The following NUP210L variants were observed in gnomAD, a reference collection of about 807,000 sequenced individuals.
NUP210L encodes the protein nuclear pore membrane glycoprotein 210-like.
Under a neutral mutation model 208.5 loss-of-function variants are expected in NUP210L, and 74 were observed. The observed-to-expected ratio is 0.35, with a 90% CI of 0.29 to 0.43. The LOEUF (loss-of-function observed/expected upper bound fraction) is 0.43. NUP210L is among the 20% of genes least tolerant of loss of function. The pLI, the probability that NUP210L is intolerant of heterozygous loss-of-function variation, is 1.00. For synonymous variants in NUP210L, 780 were observed against 816.9 expected, an observed-to-expected ratio of 0.95 and a Z score of 0.77; for missense variants, 1,843 against 2,289.4, an observed-to-expected ratio of 0.81 and a Z score of 3.98.
chr1:154,106,838 G>A (rs1003408415), intron 12 of NUP210L, among the ~76,000 whole-genome samples: 1 of 152,254 alleles, frequency 6.6e-6, no homozygotes, highest in Non-Finnish European at 1.5e-5. Context: ...ATGTACTGCA[G>A]TGACCAAAGA....
intron 37 of NUP210L, 41 bp downstream of exon 37, chr1:154,000,814 CT>C (rs1396541324): frequency 1.9e-6 from 3 of 1,554,426 alleles, no homozygotes; most frequent in Non-Finnish European, 2.7e-6. Context: ...ATTCTTTCTT[CT>C]TTTCCTCTCT....
At chr1:154,122,414 T>C (rs1445958501) in intron 10 of NUP210L, among the ~76,000 whole-genome samples, 1 of 152,136 alleles carries the variant, frequency 6.6e-6, no homozygotes, top group Non-Finnish European at 1.5e-5. Context: ...CCCAGCACTT[T>C]GGGAGGCCGA....
At chr1:154,147,652 CTGTT>C (rs920552317) in intron 2 of NUP210L, among the ~76,000 whole-genome samples, 16 of 151,510 alleles carry the variant, frequency 1.1e-4, no homozygotes, top group East Asian at 2.0e-4. Context: ...TGGCCCAACA[CTGTT>C]TGTTTGTTTG....
At chr1:153,992,779 C>G (rs772036296) in exon 40 of NUP210L, 1 of 1,183,958 alleles carries the variant, frequency 8.4e-7, no homozygotes, top group Non-Finnish European at 1.2e-6. Flanking sequence ...GGCTTCTTGT[C>G]GAGGACTAGA....
At chr1:154,125,683 A>C (rs1482088828) in intron 10 of NUP210L, among the ~76,000 whole-genome samples, 1 of 8,414 alleles carries the variant, frequency 1.2e-4, no homozygotes, top group Admixed American at 9.8e-4. Flanking sequence ...GGAAGGAAGG[A>C]AGGAAGGAAG....
intron 2 of NUP210L, among the ~76,000 whole-genome samples, chr1:154,147,614 G>A (rs372804626): frequency 6.6e-6 from 1 of 151,792 alleles, no homozygotes; most frequent in South Asian, 2.1e-4. Context: ...AGAGTGCTGG[G>A]ATTACAGGCC....
intron 16 of NUP210L, among the ~76,000 whole-genome samples, chr1:154,076,260 C>T (rs561491917): frequency 1.3e-4 from 20 of 151,820 alleles, no homozygotes; most frequent in African/African-American, 2.4e-4. Context: ...TGTGCCACCA[C>T]GCCCGGCTAA....
chr1:154,056,931 C>A, exon 23 of NUP210L: 1 of 1,608,506 alleles, frequency 6.2e-7, no homozygotes. Context: ...GAGTATTCGT[C>A]CTGTTGCTCC....
At chr1:154,118,589 T>C (rs1657451065) in intron 11 of NUP210L, 82 bp downstream of exon 11, 3 of 1,025,732 alleles carry the variant, frequency 2.9e-6, no homozygotes, top group East Asian at 5.5e-5. Context: ...AGGAAATAAA[T>C]GTAACATTAA....
exon 40 of NUP210L, chr1:153,992,781 A>G: frequency 8.4e-7 from 1 of 1,190,588 alleles, no homozygotes. Context: ...CTTCTTGTCG[A>G]GGACTAGAAA....
Position 154,127,302 on chromosome 1 carries a change from C to G in NUP210L, c.1185+9G>C. 2 of 1,397,460 alleles carry G rather than the reference C, an allele frequency of 1.4e-6. No individual in the cohort carries two copies. The highest frequency in any genetic ancestry group is 1.8e-4 in the Middle Eastern group (1 of 5,640). The allele number at this position is 1,397,460 out of a possible 1,614,324, so 86.6% of individuals were successfully genotyped here. The stretch of plus-strand genomic sequence containing the variant: ...AAGGAGCTCAGAAAAATAAAAAAGA[C>G]TGACTCACATCTGAAATATAGACCT... On this transcript the variant is annotated intron_variant, in intron 9 of 39. Transcript: ENST00000368559.
chr1:154,108,152 A>AGTTTTT (rs780276169), intron 12 of NUP210L, among the ~76,000 whole-genome samples: 1 of 151,914 alleles, frequency 6.6e-6, no homozygotes, highest in Non-Finnish European at 1.5e-5. Flanking sequence ...AAAGTGTAGA[A>AGTTTTT]GTTTTTGTTT....
At chr1:154,092,471 G>C (rs1655979448) in intron 15 of NUP210L, among the ~76,000 whole-genome samples, 1 of 151,028 alleles carries the variant, frequency 6.6e-6, no homozygotes, top group Admixed American at 6.6e-5. Flanking sequence ...CCGGGTTCAA[G>C]CAGTTCTTCT....
chr1:154,120,630 T>TAA (rs553188982), intron 10 of NUP210L, among the ~76,000 whole-genome samples: 4 of 117,898 alleles, frequency 3.4e-5, no homozygotes, highest in African/African-American at 6.2e-5. Context: ...GTATAATAAT[T>TAA]AAAAAAAAAA....
intron 16 of NUP210L, among the ~76,000 whole-genome samples, chr1:154,072,950 G>A (rs112572312): frequency 2.2e-4 from 33 of 152,262 alleles, no homozygotes; most frequent in African/African-American, 2.9e-4. Flanking sequence ...GAGCTTTTGC[G>A]CAGCAAAAGG....
intron 37 of NUP210L, chr1:153,995,801 G>T: frequency 1.5e-6 from 1 of 645,252 alleles, no homozygotes; most frequent in Non-Finnish European, 2.9e-6. Flanking sequence ...CAAGGGATTC[G>T]TGCCGTAAAA....
At chr1:154,118,518 C>T (rs1657447763) in intron 11 of NUP210L, among the ~76,000 whole-genome samples, 153 bp downstream of exon 11, 1 of 152,132 alleles carries the variant, frequency 6.6e-6, no homozygotes, top group Non-Finnish European at 1.5e-5. Flanking sequence ...TTATAGATGA[C>T]ATTTTTCAAG....
intron 17 of NUP210L, among the ~76,000 whole-genome samples, chr1:154,062,567 CTTTTTTTTT>C (rs34499821): frequency 1.9e-4 from 14 of 74,994 alleles, no homozygotes; most frequent in Admixed American, 1.0e-3. Flanking sequence ...TTTCTTTTTC[CTTTTTTTTT>C]TTTTTTTTTT....
intron 2 of NUP210L, among the ~76,000 whole-genome samples, chr1:154,146,944 C>T (rs2148154380): frequency 6.6e-6 from 1 of 152,212 alleles, no homozygotes; most frequent in Non-Finnish European, 1.5e-5. Context: ...CCACCTCAGC[C>T]TCCTGAGTGG....
Sources: allele counts gnomAD v4.1 joint callset (sites outside exome capture counted in the v4.1 genomes callset), GRCh38; gene constraint gnomAD v4.1.1; transcripts MANE v1.5; gene names NCBI Gene and HGNC (gene_info 2026-07-23, HGNC 2026-07-21).